The following SAMD3 variants were observed in gnomAD, a reference collection of about 807,000 sequenced individuals.
The protein encoded by SAMD3 is sterile alpha motif domain-containing protein 3.
In SAMD3, 63 loss-of-function variants were observed where a neutral mutation model predicts 58.5. That is an observed-to-expected ratio of 1.08 (90% CI 0.88 to 1.33). The LOEUF (loss-of-function observed/expected upper bound fraction) is 1.33. Among genes scored for constraint, SAMD3 ranks in the 40% most tolerant of loss-of-function variants. The pLI is 0.00. For synonymous variants in SAMD3, 220 were observed against 210.3 expected (o/e 1.05, Z -0.40); for missense variants, 604 against 608.4 (o/e 0.99, Z 0.08).
chr6:130,255,271 G>A (rs977930613), intron 2 of SAMD3, among the ~76,000 whole-genome samples: 2 of 152,158 alleles, frequency 1.3e-5, no homozygotes, highest in African/African-American at 4.8e-5. Flanking sequence ...CCCATATTCT[G>A]TTGCTGTTGG....
At chr6:130,194,916 G>A (rs1295508355) in intron 5 of SAMD3, among the ~76,000 whole-genome samples, 3 of 152,120 alleles carry the variant, frequency 2.0e-5, no homozygotes, top group South Asian at 2.1e-4. Flanking sequence ...TAATCAATAT[G>A]GAGGCTACCC....
chr6:130,240,865 T>G (rs913751987), intron 2 of SAMD3, among the ~76,000 whole-genome samples: 2 of 152,178 alleles, frequency 1.3e-5, no homozygotes, highest in South Asian at 2.1e-4. Context: ...GAAGAAATTT[T>G]TGTTCCTTAT....
chr6:130,354,164 C>A (rs1777759123), intron 1 of SAMD3, among the ~76,000 whole-genome samples: 2 of 151,944 alleles, frequency 1.3e-5, no homozygotes, highest in South Asian at 4.2e-4. Context: ...ATTAAAAAGT[C>A]AAAAAAATAA....
chr6:130,216,946 A>T (rs1239022336), intron 1 of SAMD3, among the ~76,000 whole-genome samples: 1 of 152,230 alleles, frequency 6.6e-6, no homozygotes, highest in African/African-American at 2.4e-5. Flanking sequence ...TCTAAACTCG[A>T]AGATAAAAAG....
At chr6:130,274,737 GT>G (rs1482350980) in intron 2 of SAMD3, among the ~76,000 whole-genome samples, 3 of 149,810 alleles carry the variant, frequency 2.0e-5, no homozygotes, top group African/African-American at 7.4e-5. Context: ...GATAAAGGCA[GT>G]TTGGCCTAAA....
At chr6:130,173,794 C>T (rs13200859) in intron 8 of SAMD3, among the ~76,000 whole-genome samples, 14,426 of 152,300 alleles carry the variant, frequency 0.095, 1,088 homozygotes, top group African/African-American at 0.21. Flanking sequence ...GCTGCACCCA[C>T]AGCTGCCCCT....
At chr6:130,248,351 C>T (rs1036632352) in intron 2 of SAMD3, among the ~76,000 whole-genome samples, 1 of 152,168 alleles carries the variant, frequency 6.6e-6, no homozygotes, top group Non-Finnish European at 1.5e-5. Context: ...TAGATCAAAA[C>T]CATGCTGCAG....
At chr6:130,197,048 T>C (rs1368908186) in intron 5 of SAMD3, among the ~76,000 whole-genome samples, 1 of 152,136 alleles carries the variant, frequency 6.6e-6, no homozygotes, top group African/African-American at 2.4e-5. Context: ...GGAGTAAAGG[T>C]CTTTTAAAAA....
At chr6:130,243,200 T>C (rs1242553845) in intron 2 of SAMD3, among the ~76,000 whole-genome samples, 1 of 152,194 alleles carries the variant, frequency 6.6e-6, no homozygotes, top group Non-Finnish European at 1.5e-5. Context: ...ACTACTTTTC[T>C]GTCCTGGTAA....
chr6:130,320,063 T>A (rs1483371978), intron 1 of SAMD3, among the ~76,000 whole-genome samples: 1 of 151,472 alleles, frequency 6.6e-6, no homozygotes, highest in East Asian at 1.9e-4. Flanking sequence ...AATGGAATAA[T>A]ACAAACTATT....
chr6:130,217,619 A>AAGAT (rs1484770026), intron 1 of SAMD3, among the ~76,000 whole-genome samples: 2 of 152,236 alleles, frequency 1.3e-5, no homozygotes, highest in Non-Finnish European at 2.9e-5. Context: ...ACTACAAAGG[A>AAGAT]AGATAATAGG....
intron 1 of SAMD3, among the ~76,000 whole-genome samples, chr6:130,332,776 C>A (rs1431086543): frequency 1.3e-5 from 2 of 152,060 alleles, no homozygotes; most frequent in Non-Finnish European, 2.9e-5. Context: ...GCTGAGGGAA[C>A]CCTAGGTCCC....
intron 5 of SAMD3, among the ~76,000 whole-genome samples, chr6:130,207,320 C>T (rs768500473): frequency 6.6e-5 from 10 of 152,084 alleles, no homozygotes; most frequent in Non-Finnish European, 1.3e-4. Context: ...ACACCGAGTG[C>T]CCTCTGTGTG....
At chr6:130,240,769 C>A (rs12526676) in intron 2 of SAMD3, among the ~76,000 whole-genome samples, 1 of 152,028 alleles carries the variant, frequency 6.6e-6, no homozygotes, top group East Asian at 1.9e-4. Flanking sequence ...CTCCCTTGCC[C>A]TTCCACCATG....
chr6:130,284,845 C>G (rs1288208327), intron 2 of SAMD3, among the ~76,000 whole-genome samples: 1 of 152,064 alleles, frequency 6.6e-6, no homozygotes, highest in Non-Finnish European at 1.5e-5. Context: ...ATATATGCCT[C>G]CAACAACATA....
intron 1 of SAMD3, among the ~76,000 whole-genome samples, chr6:130,347,426 G>A (rs1262841118): frequency 1.3e-5 from 2 of 152,214 alleles, no homozygotes; most frequent in African/African-American, 4.8e-5. Context: ...ACTATGTGAT[G>A]AATGCACAAG....
At chr6:130,215,108 T>G in intron 3 of SAMD3, 87 bp downstream of exon 3, 1 of 710,186 alleles carries the variant, frequency 1.4e-6, no homozygotes, top group South Asian at 1.8e-5. Context: ...CACAGACATT[T>G]GGCAACAAAA....
In SAMD3 at chr6:130,260,750, C is replaced by T. The variant is rs531440559; in HGVS notation, c.-187-37937G>A. 4.1e-4 allele frequency among the ~76,000 whole-genome samples: 62 copies of T among 152,326 alleles called. 1 individual carries two copies. Among genetic ancestry groups the T allele is most frequent in the African/African-American group, 1.3e-3 (56 of 41,584 alleles). ...GCCATGCGGATCCTGAGAGCACTCC[C>T]GGGTAGGCATTTGCCCAGTGAGACG... On this transcript the variant is annotated intron_variant, in intron 2 of 13. Transcript: ENST00000368134.
chr6:130,344,725 A>T (rs1777386519), intron 1 of SAMD3, among the ~76,000 whole-genome samples: 1 of 149,770 alleles, frequency 6.7e-6, no homozygotes, highest in African/African-American at 2.4e-5. Context: ...TTTGCTGCAG[A>T]TGCCACTCAC....
Sources: allele counts gnomAD v4.1 joint callset (sites outside exome capture counted in the v4.1 genomes callset), GRCh38; gene constraint gnomAD v4.1.1; transcripts MANE v1.5; gene names NCBI Gene and HGNC (gene_info 2026-07-23, HGNC 2026-07-21).